WDR53: variants seen among roughly 807,000 people sequenced by gnomAD.
WDR53 encodes WD repeat domain 53.
In WDR53, 19 loss-of-function variants were observed where a neutral mutation model predicts 21.3. The observed-to-expected ratio is 0.89, with a 90% CI of 0.62 to 1.31. The LOEUF is 1.31. Among genes scored for constraint, WDR53 ranks in the 50% most tolerant of loss-of-function variants. The probability of loss-of-function intolerance (pLI) is 0.00; values close to 1 mark genes in which losing one functional copy is unlikely to be tolerated. For missense variants in WDR53, 374 were observed against 423.2 expected (o/e 0.88, Z 1.02); for synonymous variants, 157 against 163.4 (o/e 0.96, Z 0.30).
intron 2 of WDR53, among the ~76,000 whole-genome samples, chr3:196,565,567 A>C (rs897084725): frequency 3.0e-5 from 4 of 133,638 alleles, no homozygotes; most frequent in Non-Finnish European, 6.3e-5. Context: ...GTGAGGGGGC[A>C]GGGGGGAGTT....
At chr3:196,557,191 AC>A (rs1342563631) in intron 3 of WDR53, among the ~76,000 whole-genome samples, 1 of 152,216 alleles carries the variant, frequency 6.6e-6, no homozygotes, top group African/African-American at 2.4e-5. Context: ...ACCTTTCAAA[AC>A]AAATTCCCCT....
At position 196,562,661 on chromosome 3, in the gene WDR53, C is replaced by A. The variant is rs113503255; in HGVS notation, c.-16-1170G>T. Among the ~76,000 whole-genome samples the A allele has an allele frequency of 1.3e-3, 199 of 152,286 alleles. 3 individuals are homozygous for A. In the Middle Eastern group the frequency reaches 0.017, roughly 13 times the overall value. ...CCACCTGGGGAAATGGTGAAAATGGCAGGCCCTTGGTCTCCCCACCAGACA... is the reference window on the plus strand; with the variant it reads ...CCACCTGGGGAAATGGTGAAAATGGAAGGCCCTTGGTCTCCCCACCAGACA... On this transcript the variant is annotated intron_variant, in intron 2 of 3. Coordinates refer to ENST00000332629, the MANE Select transcript of WDR53 (RefSeq NM_182627.3).
At chr3:196,563,007 T>C (rs1735026176) in intron 2 of WDR53, among the ~76,000 whole-genome samples, 1 of 152,068 alleles carries the variant, frequency 6.6e-6, no homozygotes, top group Admixed American at 6.5e-5. Context: ...TAATTTTTAT[T>C]TTATTAAATT....
chr3:196,565,583 A>C (rs1735313118), intron 2 of WDR53, among the ~76,000 whole-genome samples: 1 of 152,062 alleles, frequency 6.6e-6, no homozygotes, highest in Non-Finnish European at 1.5e-5. Context: ...GAGTTTGGAA[A>C]GCCCCAGAAA....
At chr3:196,558,612 C>T (rs1301389546) in intron 3 of WDR53, among the ~76,000 whole-genome samples, 2 of 152,242 alleles carry the variant, frequency 1.3e-5, no homozygotes, top group Non-Finnish European at 2.9e-5. Context: ...ACATGGCAAT[C>T]ATTCAATTCC....
intron 2 of WDR53, among the ~76,000 whole-genome samples, chr3:196,563,429 C>T (rs772711936): frequency 1.2e-4 from 19 of 152,110 alleles, no homozygotes; most frequent in Non-Finnish European, 2.4e-4. Context: ...ATTTCATAAG[C>T]GAAAGGAGAG....
intron 2 of WDR53, among the ~76,000 whole-genome samples, chr3:196,565,545 G>A (rs1043158746): frequency 8.8e-5 from 13 of 148,000 alleles, no homozygotes; most frequent in Admixed American, 4.0e-4. Flanking sequence ...TCCAGCCTGG[G>A]TGAGAGTCGG....
intron 3 of WDR53, 116 bp downstream of exon 3, chr3:196,560,880 A>C (rs1382128014): frequency 7.7e-7 from 1 of 1,305,952 alleles, no homozygotes; most frequent in Non-Finnish European, 1.1e-6. Context: ...ATTGTTCATA[A>C]ATGGATATGT....
Position 196,554,811 on chromosome 3 carries a change from T to C in WDR53, c.481-4A>G. 5.0e-6 allele frequency: 8 copies of C among 1,604,090 alleles called. No homozygotes were observed. The highest frequency in any genetic ancestry group is 6.8e-6 in the Non-Finnish European group (8 of 1,174,358). ...TTTGAAGACTCCACAGCATCACCTT[T>C]ACATAAGAAGAAATTACACAGTCAT... On this transcript the variant is annotated splice_region_variant and splice_polypyrimidine_tract_variant and intron_variant, in intron 3 of 3. Coordinates refer to ENST00000332629, the MANE Select transcript of WDR53 (RefSeq NM_182627.3).
chr3:196,554,566 G>C lies in WDR53; in HGVS notation c.722C>G (p.Thr241Ser), dbSNP rs1470611959. The C allele has an allele frequency of 1.9e-6, 3 of 1,613,956 alleles. No homozygotes were observed. Among genetic ancestry groups the C allele is most frequent in the Non-Finnish European group, 1.7e-6 (2 of 1,179,970 alleles). ...CEQELGFKGH[T>S]SGVSQVCFLP... ...AAAGCAGACCTGGGATACCCCTGAA[G>C]TGTGGCCCTTAAATCCCAGTTCCTG... Residue 241 changes from threonine (T) to serine (S), a missense_variant, in exon 4 of 4, where the codon ACT becomes AGT. Transcript: ENST00000332629.
chr3:196,555,544 A>T (rs1002291370), intron 3 of WDR53, among the ~76,000 whole-genome samples: 3 of 152,176 alleles, frequency 2.0e-5, no homozygotes, highest in Non-Finnish European at 4.4e-5. Flanking sequence ...TTTTTTTTAA[A>T]TAAGCTTTGT....
rs1735473012 is a variant in WDR53 at position 196,567,065 on chromosome 3, C to A, written c.-205G>T. The A allele has an allele frequency of 4.5e-6, 2 of 440,340 alleles. No individual in the cohort carries two copies. The highest frequency in any genetic ancestry group is 9.1e-6 in the Non-Finnish European group (2 of 218,918). 27.3% of individuals were successfully genotyped at this position (440,340 alleles called of 1,614,324 possible). ...AAACACTCTGCACTAGTCATACCAC[C>A]ACCGTCCCGTTCAAGAGTCTGTGCC... On this transcript the variant is annotated 5_prime_UTR_variant, in exon 2 of 4. Coordinates refer to ENST00000332629, the MANE Select transcript of WDR53 (RefSeq NM_182627.3).
intron 2 of WDR53, among the ~76,000 whole-genome samples, chr3:196,565,425 A>T (rs531217317): frequency 1.3e-5 from 2 of 152,058 alleles, no homozygotes; most frequent in South Asian, 4.2e-4. Flanking sequence ...AAATACAAAA[A>T]TTAGCAGGGT....
At chr3:196,556,289 C>A (rs906636614) in intron 3 of WDR53, among the ~76,000 whole-genome samples, 1 of 152,066 alleles carries the variant, frequency 6.6e-6, no homozygotes, top group Non-Finnish European at 1.5e-5. Flanking sequence ...CTCAAGCGAT[C>A]CACTCATCTC....
At chr3:196,563,191 T>C (rs1351413262) in intron 2 of WDR53, among the ~76,000 whole-genome samples, 1 of 152,170 alleles carries the variant, frequency 6.6e-6, no homozygotes, top group Non-Finnish European at 1.5e-5. Context: ...TACTCACATA[T>C]GTTTAATCAT....
At chr3:196,555,992 A>C (rs1173077316) in intron 3 of WDR53, among the ~76,000 whole-genome samples, 5 of 152,252 alleles carry the variant, frequency 3.3e-5, no homozygotes. Flanking sequence ...AAGCTAAAGT[A>C]AAATAAATAA....
intron 1 of WDR53, 85 bp from the exon 2 acceptor site, chr3:196,567,392 C>A: frequency 2.7e-6 from 1 of 367,226 alleles, no homozygotes. Context: ...AATCAAACAC[C>A]ATGAATCAGA....
Position 196,567,325 on chromosome 3 carries a change from A to G in WDR53, c.-447-18T>C, listed in dbSNP as rs1324530354. The G allele has an allele frequency of 2.1e-5, 9 of 436,632 alleles. No individual in the cohort carries two copies. The East Asian group carries it at 6.3e-4, about 31-fold the overall frequency. 27.0% of individuals were successfully genotyped at this position (436,632 alleles called of 1,614,324 possible). ...CGCTGGCACTGGTAAGAATGAAAAGAATTAGGGTTACTGGACTTGGTGAAA... is the reference window on the plus strand; with the variant it reads ...CGCTGGCACTGGTAAGAATGAAAAGGATTAGGGTTACTGGACTTGGTGAAA... On this transcript the variant is annotated intron_variant, in intron 1 of 3. Coordinates refer to ENST00000332629, the MANE Select transcript of WDR53 (RefSeq NM_182627.3).
rs765930417 is a variant in WDR53, at chr3:196,561,412, C to T, written c.64G>A (p.Gly22Arg). 3.1e-6 allele frequency: 5 copies of T among 1,613,996 alleles called. No individual in the cohort carries two copies. In the African/African-American group the frequency reaches 4.0e-5, roughly 13 times the overall value. ...PVLCLNASKE[G>R]LLASGAEGGD... Reference sequence around the variant, plus strand: ...CCCTCTGCTCCAGAAGCCAGCAGCCCTTCTTTACTTGCATTCAGGCAGAGG... The same window carrying T: ...CCCTCTGCTCCAGAAGCCAGCAGCCTTTCTTTACTTGCATTCAGGCAGAGG... Residue 22 changes from glycine to arginine, a missense_variant, in exon 3 of 4, where the codon GGG (glycine) becomes AGG (arginine). Physicochemically the swap from Gly to Arg is moderately radical, Grantham distance 125 (BLOSUM62 -2). Transcript: ENST00000332629.
Sources: allele counts gnomAD v4.1 joint callset (sites outside exome capture counted in the v4.1 genomes callset), GRCh38; gene constraint gnomAD v4.1.1; transcripts MANE v1.5; gene names NCBI Gene and HGNC (gene_info 2026-07-23, HGNC 2026-07-21).